EYA1: variants seen among roughly 807,000 people sequenced by gnomAD.
EYA1 encodes EYA transcriptional coactivator and phosphatase 1.
A neutral mutation model predicts 82.0 loss-of-function variants in EYA1; 16 were observed. The observed-to-expected ratio is 0.20, with a 90% CI of 0.13 to 0.30. The LOEUF is 0.30. Among genes scored for constraint, EYA1 ranks in the 10% least tolerant of loss-of-function variants. The pLI is 1.00. For synonymous variants in EYA1, 261 were observed against 264.4 expected (o/e 0.99, Z 0.12); for missense variants, 633 against 730.7 (o/e 0.87, Z 1.54).
chr8:71,215,604 A>G lies in EYA1; in HGVS notation c.1475+10T>C. 6.2e-7 allele frequency: 1 copy of G among 1,612,900 alleles called. No homozygotes were observed. Among genetic ancestry groups the G allele is most frequent in the Non-Finnish European group, 8.5e-7 (1 of 1,178,838 alleles). The stretch of plus-strand genomic sequence containing the variant: ...CCATTTCCTGGCAAAGACCCCGCAG[A>G]GAGCCTCACCGGGAGTGAATGAGCG... On this transcript the variant is annotated intron_variant, in intron 15 of 17. Transcript: ENST00000340726.
At chr8:71,520,856 TAAAA>T (rs1210612340) in intron 2 of EYA1, among the ~76,000 whole-genome samples, 1 of 152,114 alleles carries the variant, frequency 6.6e-6, no homozygotes, top group African/African-American at 2.4e-5. Context: ...TCTCAAAAAT[TAAAA>T]AAAGTTAACA....
chr8:71,396,838 A>G (rs1277064837), intron 2 of EYA1, among the ~76,000 whole-genome samples: 1 of 152,110 alleles, frequency 6.6e-6, no homozygotes. Context: ...ATTCCTGGAT[A>G]TCCTTGTTGA....
intron 2 of EYA1, among the ~76,000 whole-genome samples, chr8:71,429,896 C>A (rs1196277343): frequency 6.6e-6 from 1 of 152,078 alleles, no homozygotes; most frequent in Non-Finnish European, 1.5e-5. Flanking sequence ...CAAAAACTAC[C>A]TGTAGCTTAA....
chr8:71,354,876 A>G lies in EYA1; in HGVS notation c.30T>C (p.His10=), dbSNP rs773673572. MEMQDLTSP[H]SRLSGSSESP... The stretch of plus-strand genomic sequence containing the variant: ...ATTCACTACTACCACTCAGACGGCT[A>G]TGCGGGCTGGTTAGATCCTGCATTT... Residue 10 remains histidine, a synonymous_variant, in exon 3 of 18, where the codon CAT becomes CAC. Transcript: ENST00000340726. 3 of 1,613,666 alleles carry G rather than the reference A, an allele frequency of 1.9e-6. No homozygotes were observed. Among genetic ancestry groups the G allele is most frequent in the Non-Finnish European group, 2.5e-6 (3 of 1,179,652 alleles).
At position 71,241,807 on chromosome 8, in the gene EYA1, A is replaced by G. The variant is rs552293860; in HGVS notation, c.1140+2796T>C. Among the ~76,000 whole-genome samples, 3 of 141,040 alleles carry G rather than the reference A, an allele frequency of 2.1e-5. No individual in the cohort carries two copies. The South Asian group carries it at 6.4e-4, about 30-fold the overall frequency. 92.5% of individuals were successfully genotyped at this position (141,040 alleles called of 152,430 possible). A position where few individuals can be genotyped will look rare whatever the true frequency, so the allele number is the denominator to read the frequency against. ...TGGTGTTCTTAGGAGCATTATGCCA[A>G]TAGACATTTTTTTTTTTTTGCCAGA... On this transcript the variant is annotated intron_variant, in intron 12 of 17. Coordinates refer to ENST00000340726, the MANE Select transcript of EYA1 (RefSeq NM_000503.6).
intron 17 of EYA1, among the ~76,000 whole-genome samples, chr8:71,208,383 G>T (rs1044732991): frequency 4.6e-5 from 7 of 152,124 alleles, no homozygotes; most frequent in African/African-American, 1.7e-4. Flanking sequence ...AGTGAGCCGA[G>T]ATCGCGCTAC....
chr8:71,245,266 A>C (rs540372407), intron 11 of EYA1, among the ~76,000 whole-genome samples: 195 of 151,938 alleles, frequency 1.3e-3, no homozygotes, highest in African/African-American at 4.5e-3. Flanking sequence ...TCGCTCTGTC[A>C]CCCAGGCTGG....
chr8:71,527,067 A>AT (rs1011684926), intron 2 of EYA1, among the ~76,000 whole-genome samples: 1 of 152,238 alleles, frequency 6.6e-6, no homozygotes, highest in Non-Finnish European at 1.5e-5. Context: ...TCAAAGAATC[A>AT]TTATCACATT....
intron 2 of EYA1, among the ~76,000 whole-genome samples, chr8:71,399,783 A>T (rs1265245316): frequency 6.6e-6 from 1 of 152,182 alleles, no homozygotes; most frequent in East Asian, 1.9e-4. Context: ...GCTTCACAGG[A>T]TCAGAAAAAA....
chr8:71,520,324 A>C (rs1813300618), intron 2 of EYA1, among the ~76,000 whole-genome samples: 1 of 152,126 alleles, frequency 6.6e-6, no homozygotes, highest in Non-Finnish European at 1.5e-5. Context: ...GTGCCTTAGG[A>C]GGCTTATCCT....
chr8:71,514,253 G>A (rs1404850658), intron 2 of EYA1, among the ~76,000 whole-genome samples: 1 of 152,000 alleles, frequency 6.6e-6, no homozygotes, highest in Admixed American at 6.6e-5. Context: ...TCTTTTATAA[G>A]TTGATATAAC....
chr8:71,484,834 C>T (rs1381101931), intron 2 of EYA1, among the ~76,000 whole-genome samples: 1 of 152,232 alleles, frequency 6.6e-6, no homozygotes, highest in Non-Finnish European at 1.5e-5. Flanking sequence ...TTCCATCTGG[C>T]AGCTGAGAGC....
Position 71,334,043 on chromosome 8 carries a change from TA to T in EYA1, c.202+53del. 8.0e-6 allele frequency: 10 copies of T among 1,252,906 alleles called. 1 individual carries two copies. The South Asian group carries it at 1.2e-4, about 15-fold the overall frequency. The allele number at this position is 1,252,906 out of a possible 1,614,324, so 77.6% of individuals were successfully genotyped here. On this transcript the variant is annotated intron_variant, in intron 4 of 17. Coordinates refer to ENST00000340726, the MANE Select transcript of EYA1 (RefSeq NM_000503.6). Reference sequence around the variant, plus strand: ...TACATACACAGGGACATTACATGAATAAACTAGAAAAAATGCTTGGTGTTGA... The same window carrying T: ...TACATACACAGGGACATTACATGAATAACTAGAAAAAATGCTTGGTGTTGA...
At position 71,336,062 on chromosome 8, in the gene EYA1, G is replaced by T. The variant is rs1055424222; in HGVS notation, c.125-1888C>A. ...TCAGAATAGACAAACTCCCTAGTCA[G>T]TATTGTCTTCTTGTTTCCCATGCAC... On this transcript the variant is annotated intron_variant, in intron 3 of 17. Transcript: ENST00000340726. Among the ~76,000 whole-genome samples the T allele has an allele frequency of 4.6e-5, 7 of 152,200 alleles. No homozygotes were observed. The South Asian group carries it at 1.0e-3, about 23-fold the overall frequency.
chr8:71,247,021 C>T (rs755711292), intron 11 of EYA1, among the ~76,000 whole-genome samples: 7 of 151,572 alleles, frequency 4.6e-5, no homozygotes, highest in Non-Finnish European at 8.8e-5. Context: ...CCCTCCAGCA[C>T]CTCCCACATC....
At chr8:71,242,313 T>C (rs1352673068) in intron 12 of EYA1, among the ~76,000 whole-genome samples, 2 of 152,320 alleles carry the variant, frequency 1.3e-5, no homozygotes, top group South Asian at 2.1e-4. Context: ...ACAGACTAAA[T>C]GAATCTTTCA....
chr8:71,377,904 T>A (rs549834182), intron 2 of EYA1, among the ~76,000 whole-genome samples: 1 of 152,310 alleles, frequency 6.6e-6, no homozygotes, highest in Non-Finnish European at 1.5e-5. Context: ...CTCTTTGAAA[T>A]GTTCTCCCTG....
chr8:71,253,282 G>C (rs71525120), intron 11 of EYA1, among the ~76,000 whole-genome samples: 1 of 152,016 alleles, frequency 6.6e-6, no homozygotes, highest in African/African-American at 2.4e-5. Flanking sequence ...TATTCTGTCC[G>C]CTCAGGGTAA....
chr8:71,513,570 C>T (rs947218841), intron 2 of EYA1, among the ~76,000 whole-genome samples: 6 of 152,114 alleles, frequency 3.9e-5, no homozygotes, highest in Admixed American at 1.3e-4. Flanking sequence ...ATGGGGCAAC[C>T]ATCCCCTCAA....
Sources: gnomAD v4.1 joint callset for allele counts (sites outside exome capture counted in the v4.1 genomes callset) on GRCh38, gnomAD v4.1.1 for gene constraint, MANE v1.5 for transcripts, NCBI Gene and HGNC (gene_info 2026-07-23, HGNC 2026-07-21) for gene names.